The following SRD5A2 variants were observed in gnomAD, a reference collection of about 807,000 sequenced individuals.
SRD5A2 encodes steroid 5 alpha-reductase 2.
In SRD5A2, 30 loss-of-function variants were observed where a neutral mutation model predicts 27.4. The observed-to-expected ratio is 1.10, with a 90% CI of 0.82 to 1.49. The LOEUF is 1.49. SRD5A2 is among the 40% of genes most tolerant of loss of function. The pLI, the probability that SRD5A2 is intolerant of heterozygous loss-of-function variation, is 0.00. For missense variants in SRD5A2, 348 were observed against 323.4 expected, an observed-to-expected ratio of 1.08 and a Z score of -0.58; for synonymous variants, 141 against 133.6, an observed-to-expected ratio of 1.06 and a Z score of -0.38.
the SRD5A2 span, among the ~76,000 whole-genome samples, chr2:31,588,125 T>C: frequency 6.6e-6 from 1 of 151,738 alleles, no homozygotes; most frequent in Non-Finnish European, 1.5e-5. Flanking sequence ...ATCTAGAAAA[T>C]AGCTTCAAAA....
chr2:31,585,210 T>C (rs1667154952), upstream of SRD5A2, among the ~76,000 whole-genome samples: 1 of 152,152 alleles, frequency 6.6e-6, no homozygotes, highest in Non-Finnish European at 1.5e-5. Flanking sequence ...TGACTAAACC[T>C]GAAAGGCAGT....
At chr2:31,609,224 C>T in the SRD5A2 span, among the ~76,000 whole-genome samples, 1 of 152,070 alleles carries the variant, frequency 6.6e-6, no homozygotes, top group African/African-American at 2.4e-5. Flanking sequence ...ACTATTCAAA[C>T]TGATCTACAG....
chr2:31,574,408 C>G (rs1368466713), intron 1 of SRD5A2, among the ~76,000 whole-genome samples: 1 of 152,138 alleles, frequency 6.6e-6, no homozygotes, highest in Non-Finnish European at 1.5e-5. Context: ...TCCTTGAATT[C>G]CCATCGTAAT....
At chr2:31,599,339 C>A in the SRD5A2 span, among the ~76,000 whole-genome samples, 1 of 151,982 alleles carries the variant, frequency 6.6e-6, no homozygotes, top group Non-Finnish European at 1.5e-5. Context: ...AACATTTTAT[C>A]CAATGGCTAC....
chr2:31,552,937 AG>A lies in SRD5A2; in HGVS notation c.282-19172del, dbSNP rs1666410294. Among the ~76,000 whole-genome samples, 3 of 152,342 alleles carry A rather than the reference AG, an allele frequency of 2.0e-5. No individual in the cohort carries two copies. The South Asian group carries it at 6.2e-4, about 32-fold the overall frequency. ...CCAGCAACCAACCCTACAGAAGTGG[AG>A]ATCTTTTAGATGCCTGACAAAGAAT... On this transcript the variant is annotated intron_variant, in intron 1 of 4. Transcript: ENST00000622030.
the SRD5A2 span, among the ~76,000 whole-genome samples, chr2:31,655,289 C>T: frequency 2.0e-5 from 3 of 152,042 alleles, no homozygotes; most frequent in Admixed American, 6.6e-5. Flanking sequence ...TTTAGAGAGA[C>T]GGGGTTTCAC....
intron 1 of SRD5A2, among the ~76,000 whole-genome samples, chr2:31,563,729 C>G (rs1666673935): frequency 6.6e-6 from 1 of 151,988 alleles, no homozygotes; most frequent in Non-Finnish European, 1.5e-5. Context: ...AAGAATCACC[C>G]AAAAGAATTA....
At chr2:31,582,732 ACCCAGTTATTTTT>A (rs1467970203), upstream of SRD5A2, among the ~76,000 whole-genome samples, 1 of 151,920 alleles carries the variant, frequency 6.6e-6, no homozygotes, top group Non-Finnish European at 1.5e-5. Flanking sequence ...CCAAAACTAA[ACCCAGTTATTTTT>A]CCCTCCACCC....
At chr2:31,639,813 T>C in the SRD5A2 span, among the ~76,000 whole-genome samples, 4 of 152,228 alleles carry the variant, frequency 2.6e-5, no homozygotes, top group Middle Eastern at 3.4e-3. Context: ...GATTCTTATA[T>C]GTTTGGGGTA....
the SRD5A2 span, among the ~76,000 whole-genome samples, chr2:31,607,250 A>G: frequency 6.6e-6 from 1 of 151,984 alleles, no homozygotes; most frequent in African/African-American, 2.4e-5. Context: ...AATGACTGAA[A>G]TATTTCCAAA....
chr2:31,661,094 A>G, the SRD5A2 span, among the ~76,000 whole-genome samples: 1 of 152,152 alleles, frequency 6.6e-6, no homozygotes, highest in Non-Finnish European at 1.5e-5. Context: ...TCAAGGGCCC[A>G]CTGAGCAATA....
chr2:31,613,709 A>G, the SRD5A2 span, among the ~76,000 whole-genome samples: 2 of 152,246 alleles, frequency 1.3e-5, no homozygotes, highest in African/African-American at 4.8e-5. Context: ...ATAGAGACAT[A>G]CCCAAGACTG....
At chr2:31,649,383 C>T in the SRD5A2 span, among the ~76,000 whole-genome samples, 1 of 152,094 alleles carries the variant, frequency 6.6e-6, no homozygotes, top group Non-Finnish European at 1.5e-5. Context: ...CAATTGACAC[C>T]CAACACCCAC....
At chr2:31,552,969 A>C (rs1024451792) in intron 1 of SRD5A2, among the ~76,000 whole-genome samples, 2 of 152,216 alleles carry the variant, frequency 1.3e-5, no homozygotes, top group Non-Finnish European at 2.9e-5. Flanking sequence ...AGAATTCAAA[A>C]TACTTATCAT....
At chr2:31,542,250 A>G (rs906678444) in intron 1 of SRD5A2, among the ~76,000 whole-genome samples, 10 of 152,240 alleles carry the variant, frequency 6.6e-5, no homozygotes, top group Admixed American at 1.3e-4. Flanking sequence ...GCCTGTATCA[A>G]AATACTTCAT....
At chr2:31,611,365 A>T in the SRD5A2 span, among the ~76,000 whole-genome samples, 1 of 152,196 alleles carries the variant, frequency 6.6e-6, no homozygotes, top group Non-Finnish European at 1.5e-5. Context: ...CAAAATAAAA[A>T]ACAATTCTGA....
At chr2:31,592,265 C>T in the SRD5A2 span, among the ~76,000 whole-genome samples, 1 of 152,100 alleles carries the variant, frequency 6.6e-6, no homozygotes, top group Admixed American at 6.6e-5. Flanking sequence ...TACAGCAACC[C>T]ATAACAGAAC....
chr2:31,583,652 C>CAAAAAAAAAAAAAA (rs1352139998), upstream of SRD5A2, among the ~76,000 whole-genome samples: 8 of 20,930 alleles, frequency 3.8e-4, 1 homozygote, highest in African/African-American at 8.1e-4. Flanking sequence ...AAAAAAAAAC[C>CAAAAAAAAAAAAAA]AAAAAAAAAG....
intron 1 of SRD5A2, among the ~76,000 whole-genome samples, chr2:31,561,784 C>T (rs116771983): frequency 1.2e-4 from 19 of 152,296 alleles, no homozygotes; most frequent in African/African-American, 4.6e-4. Flanking sequence ...CTACTGACCA[C>T]TGGCTCCATT....
Sources: allele counts gnomAD v4.1 joint callset (sites outside exome capture counted in the v4.1 genomes callset), GRCh38; gene constraint gnomAD v4.1.1; transcripts MANE v1.5; gene names NCBI Gene and HGNC (gene_info 2026-07-23, HGNC 2026-07-21).